ZNF649: variants seen among roughly 807,000 people sequenced by gnomAD.
ZNF649 encodes zinc finger protein 649.
ZNF649 carries 7 observed loss-of-function variants against 14.1 expected under a neutral mutation model. That is an observed-to-expected ratio of 0.49 (90% CI 0.28 to 0.93). The LOEUF (loss-of-function observed/expected upper bound fraction) is 0.93, where lower values mean the gene tolerates loss of function less well. Among genes scored for constraint, ZNF649 ranks in the 40% least tolerant of loss-of-function variants. ZNF649 has a pLI of 0.10. For synonymous variants in ZNF649, 227 were observed against 212.3 expected (o/e 1.07, Z -0.60); for missense variants, 544 against 608.1 (o/e 0.89, Z 1.11).
At chr19:51,902,961 A>G (rs2085103262) in intron 1 of ZNF649, among the ~76,000 whole-genome samples, 2 of 152,228 alleles carry the variant, frequency 1.3e-5, no homozygotes, top group African/African-American at 2.4e-5. Flanking sequence ...GAGATCGTTC[A>G]TGGCAAAGTT....
chr19:51,890,591 C>A lies in ZNF649; in HGVS notation c.*27G>T. On this transcript the variant is annotated 3_prime_UTR_variant, in exon 5 of 5. Transcript: ENST00000354957. ...GACAAACTCAGCATTCCGCTGGAGG[C>A]TATATGATCAAACAGCAAACTGTTT... is the stretch of plus-strand genomic sequence containing the variant. 1 of 1,486,170 alleles carries A rather than the reference C, an allele frequency of 6.7e-7. No homozygotes were observed. The highest frequency in any genetic ancestry group is 1.7e-5 in the Admixed American group (1 of 58,918). 92.1% of individuals were successfully genotyped at this position (1,486,170 alleles called of 1,614,324 possible).
chr19:51,891,160 C>G lies in ZNF649; in HGVS notation c.976G>C (p.Gly326Arg). 6.2e-7 allele frequency: 1 copy of G among 1,614,228 alleles called. No homozygotes were observed. The highest frequency in any genetic ancestry group is 8.5e-7 in the Non-Finnish European group (1 of 1,180,036). Residue 326 changes from glycine (G) to arginine (R), a missense_variant, in exon 5 of 5, where the codon GGC becomes CGC. By Grantham distance (125) the Gly-to-Arg change is moderately radical. Transcript: ENST00000354957. This position sits in a 1 kb window ranked among gnomAD's most constrained non-coding sequence, Gnocchi z 4.2. ...TTGAGATTGCCCTTCTGAATGAAGC[C>G]TTTTCCACATTCACTGCATGTATGA... ...KPHTCSECGK[G>R]FIQKGNLNIH...
chr19:51,900,878 C>G (rs555165913), intron 1 of ZNF649, among the ~76,000 whole-genome samples: 1 of 152,282 alleles, frequency 6.6e-6, no homozygotes, highest in East Asian at 1.9e-4. Context: ...CGGAGCCCCT[C>G]AAGACCACTC....
intron 2 of ZNF649, among the ~76,000 whole-genome samples, chr19:51,899,605 T>G (rs2085083833): frequency 6.6e-6 from 1 of 152,186 alleles, no homozygotes; most frequent in Non-Finnish European, 1.5e-5. Flanking sequence ...AGAATAATCA[T>G]GTAGAAACAG....
intron 1 of ZNF649, among the ~76,000 whole-genome samples, chr19:51,903,475 G>A (rs2085105989): frequency 6.6e-6 from 1 of 152,144 alleles, no homozygotes; most frequent in Admixed American, 6.5e-5. Context: ...GCTTTTGGGA[G>A]ACATGTGCCA....
Position 51,891,411 on chromosome 19 carries a change from G to A in ZNF649, c.725C>T (p.Ala242Val), listed in dbSNP as rs1285624194. The A allele has an allele frequency of 6.2e-7, 1 of 1,614,206 alleles. No individual in the cohort carries two copies. Among genetic ancestry groups the A allele is most frequent in the South Asian group, 1.1e-5 (1 of 91,084 alleles). ...KPHGCSLCGK[A>V]FYKRYRLTEH... The stretch of plus-strand genomic sequence containing the variant: ...AGTGAGCCTGTACCTCTTGTAGAAG[G>A]CTTTCCCACACAAGCTACACCCGTG... Residue 242 changes from alanine (A) to valine (V), a missense_variant, in exon 5 of 5, where the codon GCC becomes GTC. By Grantham distance (64) the Ala-to-Val change is moderately conservative. Transcript: ENST00000354957. The surrounding 1 kb of genome is among the most constrained non-coding windows in gnomAD (Gnocchi z 4.2).
chr19:51,902,177 C>T (rs2085099009), intron 1 of ZNF649, among the ~76,000 whole-genome samples: 2 of 152,238 alleles, frequency 1.3e-5, no homozygotes, highest in East Asian at 3.9e-4. Flanking sequence ...TCTCAGTCTC[C>T]AGAACTATAA....
intron 2 of ZNF649, 188 bp from the exon 3 acceptor site, chr19:51,897,166 A>C: frequency 1.4e-6 from 1 of 691,708 alleles, no homozygotes; most frequent in Non-Finnish European, 2.4e-6. Context: ...CAGTTGGCCT[A>C]GTGGAATCTG....
intron 4 of ZNF649, among the ~76,000 whole-genome samples, chr19:51,893,723 T>C (rs547261455): frequency 6.6e-6 from 1 of 152,310 alleles, no homozygotes; most frequent in African/African-American, 2.4e-5. Context: ...CACTTTGCTG[T>C]CCCTAATATA....
chr19:51,900,739 AAC>A (rs2085089723), intron 1 of ZNF649, among the ~76,000 whole-genome samples: 1 of 152,174 alleles, frequency 6.6e-6, no homozygotes, highest in African/African-American at 2.4e-5. Flanking sequence ...ACAGAGAAGA[AAC>A]ACACAGGTAA....
In ZNF649 at chr19:51,891,010, A is replaced by G. The variant is rs1306002553; in HGVS notation, c.1126T>C (p.Cys376Arg). The change falls in exon 5 of 5, where the codon TGT (cysteine) becomes CGT (arginine). Residue 376 changes from cysteine to arginine, a missense_variant. Coordinates refer to ENST00000354957, the MANE Select transcript of ZNF649 (RefSeq NM_023074.4). This position sits in a 1 kb window ranked among gnomAD's most constrained non-coding sequence, Gnocchi z 4.2. Reference sequence around the variant, plus strand: ...GAACAGGGTTGCCCACATTCAGGACATACAAAGGGAGTCTTTCCTGTATGA... The same window carrying G: ...GAACAGGGTTGCCCACATTCAGGACGTACAAAGGGAGTCTTTCCTGTATGA... ...RYHTGKTPFVCPECGQPCSQK... is the reference protein window; with the variant it reads ...RYHTGKTPFVRPECGQPCSQK... The G allele has an allele frequency of 6.2e-7, 1 of 1,614,208 alleles. No individual in the cohort carries two copies. Among genetic ancestry groups the G allele is most frequent in the Non-Finnish European group, 8.5e-7 (1 of 1,180,026 alleles).
At chr19:51,897,140 G>A (rs2085067681) in intron 2 of ZNF649, 162 bp from the exon 3 acceptor site, 1 of 921,882 alleles carries the variant, frequency 1.1e-6, no homozygotes. Context: ...CCGAAATTGT[G>A]CATACTCATG....
chr19:51,901,840 G>A (rs1313789098), intron 1 of ZNF649, among the ~76,000 whole-genome samples: 2 of 151,468 alleles, frequency 1.3e-5, no homozygotes, highest in Non-Finnish European at 2.9e-5. Context: ...CTACTCAGAT[G>A]GCTGCGGCAG....
In ZNF649 at chr19:51,897,261, G is replaced by A. The variant is rs1012703198; in HGVS notation, c.16-283C>T. 2.4e-5 allele frequency: 7 copies of A among 286,810 alleles called. No individual in the cohort carries two copies. In the Admixed American group the frequency reaches 3.3e-4, roughly 14 times the overall value. The allele number at this position is 286,810 out of a possible 1,614,324, so 17.8% of individuals were successfully genotyped here. On this transcript the variant is annotated intron_variant, in intron 2 of 4. Transcript: ENST00000354957. ...GTTTGGATATAAGTGGACCCTTGCA[G>A]TACAAATTCATGTTCACAAATAAAC...
intron 1 of ZNF649, 82 bp from the exon 2 acceptor site, chr19:51,900,376 C>A: frequency 8.2e-6 from 3 of 365,106 alleles, no homozygotes; most frequent in Non-Finnish European, 1.5e-5. Context: ...AACTCTCCTG[C>A]AGTCAAGGCC....
intron 4 of ZNF649, among the ~76,000 whole-genome samples, chr19:51,893,671 A>G (rs1235756478): frequency 2.0e-5 from 3 of 152,198 alleles, no homozygotes; most frequent in Non-Finnish European, 4.4e-5. Flanking sequence ...CACCTTCTTC[A>G]TCATGCCCTA....
intron 4 of ZNF649, among the ~76,000 whole-genome samples, chr19:51,892,436 T>C (rs1357749194): frequency 2.0e-5 from 3 of 152,012 alleles, no homozygotes; most frequent in East Asian, 3.9e-4. Context: ...CCCAGCACTT[T>C]GGGAGGGTGA....
chr19:51,891,021 G>A lies in ZNF649; in HGVS notation c.1115C>T (p.Thr372Ile). 8.7e-6 allele frequency: 14 copies of A among 1,614,216 alleles called. No homozygotes were observed. The highest frequency in any genetic ancestry group is 1.2e-5 in the Non-Finnish European group (14 of 1,180,036). Residue 372 changes from threonine to isoleucine, a missense_variant, in exon 5 of 5, where the codon ACT becomes ATT. Transcript: ENST00000354957. This position sits in a 1 kb window ranked among gnomAD's most constrained non-coding sequence, Gnocchi z 4.2. ...CCCACATTCAGGACATACAAAGGGA[G>A]TCTTTCCTGTATGATATCTCTGATG... is the stretch of plus-strand genomic sequence containing the variant. The part of the protein sequence containing the change: ...VAHQRYHTGK[T>I]PFVCPECGQP...
Position 51,891,574 on chromosome 19 carries a change from G to A in ZNF649, c.562C>T (p.Leu188Phe). ...TGCTCAGTGAGCTGAGACTTCTTGA[G>A]GAAAGCTTTCCCACAGTCAGTGCAT... ...HECTDCGKAF[L>F]KKSQLTEHKR... The change falls in exon 5 of 5, where the codon CTC (leucine) becomes TTC (phenylalanine). Residue 188 changes from leucine to phenylalanine, a missense_variant. By Grantham distance (22) the Leu-to-Phe change is conservative. Transcript: ENST00000354957. This position sits in a 1 kb window ranked among gnomAD's most constrained non-coding sequence, Gnocchi z 4.2. The A allele has an allele frequency of 4.3e-6, 7 of 1,614,204 alleles. No individual in the cohort carries two copies. The highest frequency in any genetic ancestry group is 5.9e-6 in the Non-Finnish European group (7 of 1,180,034).
Sources: gnomAD v4.1 joint callset for allele counts (sites outside exome capture counted in the v4.1 genomes callset) on GRCh38, gnomAD v4.1.1 for gene constraint, Gnocchi (gnomAD v3.1) non-coding constraint, MANE v1.5 for transcripts, NCBI Gene and HGNC (gene_info 2026-07-23, HGNC 2026-07-21) for gene names.